PTPRD: variants seen among roughly 807,000 people sequenced by gnomAD.
PTPRD encodes the protein receptor-type tyrosine-protein phosphatase delta.
PTPRD carries 34 observed loss-of-function variants against 214.5 expected under a neutral mutation model. That is an observed-to-expected ratio of 0.16 (90% CI 0.12 to 0.21). The LOEUF (loss-of-function observed/expected upper bound fraction) is 0.21. Among genes scored for constraint, PTPRD ranks in the 10% least tolerant of loss-of-function variants. The pLI is 1.00. For synonymous variants in PTPRD, 1,128 were observed against 845.7 expected (o/e 1.33, Z -5.79); for missense variants, 2,545 against 2,398.7 (o/e 1.06, Z -1.27).
At chr9:10,393,723 AATAT>A (rs899024499) in intron 2 of PTPRD, among the ~76,000 whole-genome samples, 33 of 147,278 alleles carry the variant, frequency 2.2e-4, no homozygotes, top group African/African-American at 7.6e-4. Flanking sequence ...TATATAATCA[AATAT>A]ATAAATACAT....
rs373821046 is a variant in PTPRD at position 8,786,910 on chromosome 9, CTTTA to C, written c.-103-52968_-103-52965del. ...AATATAAAGCATGGTGAGAAAACTA[CTTTA>C]TTTATTTAGAGACAGGGTCTCACTC... On this transcript the variant is annotated intron_variant, in intron 11 of 45. Transcript: ENST00000381196. 5.3e-4 allele frequency among the ~76,000 whole-genome samples: 80 copies of C among 151,988 alleles called. 1 individual carries two copies. Among genetic ancestry groups the C allele is most frequent in the African/African-American group, 1.8e-3 (73 of 41,468 alleles).
At chr9:9,049,199 A>C (rs1436100660) in intron 10 of PTPRD, among the ~76,000 whole-genome samples, 3 of 152,174 alleles carry the variant, frequency 2.0e-5, no homozygotes, top group Non-Finnish European at 4.4e-5. Flanking sequence ...GTTAAGCCTT[A>C]AGGCATTCAG....
At chr9:10,589,215 G>T (rs901499204) in intron 2 of PTPRD, among the ~76,000 whole-genome samples, 1 of 152,040 alleles carries the variant, frequency 6.6e-6, no homozygotes, top group Non-Finnish European at 1.5e-5. Flanking sequence ...GTGTGGGTCA[G>T]ATAAACAGGT....
intron 36 of PTPRD, among the ~76,000 whole-genome samples, chr9:8,392,586 C>A (rs891715697): frequency 2.0e-5 from 3 of 151,988 alleles, no homozygotes; most frequent in Non-Finnish European, 4.4e-5. Context: ...AATGGAATAC[C>A]TGGTAGAGCA....
chr9:10,171,388 C>T (rs1350782561), intron 3 of PTPRD, among the ~76,000 whole-genome samples: 1 of 151,954 alleles, frequency 6.6e-6, no homozygotes, highest in East Asian at 1.9e-4. Flanking sequence ...TTTCGCTTGG[C>T]TCTCATTCTC....
At chr9:10,429,456 A>G (rs1411564385) in intron 2 of PTPRD, among the ~76,000 whole-genome samples, 4 of 152,004 alleles carry the variant, frequency 2.6e-5, no homozygotes, top group Admixed American at 6.6e-5. Context: ...ACGAATGAAT[A>G]AAGTGCGGTG....
chr9:8,503,995 T>C (rs942342569), intron 23 of PTPRD, among the ~76,000 whole-genome samples: 3 of 152,224 alleles, frequency 2.0e-5, no homozygotes, highest in Non-Finnish European at 4.4e-5. Flanking sequence ...CTAACTCCTT[T>C]AACCCACATT....
At chr9:9,898,349 C>G (rs1380981491) in intron 5 of PTPRD, among the ~76,000 whole-genome samples, 1 of 151,998 alleles carries the variant, frequency 6.6e-6, no homozygotes, top group Non-Finnish European at 1.5e-5. Context: ...TTTTAATTAG[C>G]TGTTTACATA....
At chr9:8,400,523 G>C (rs2092206185) in intron 36 of PTPRD, among the ~76,000 whole-genome samples, 1 of 152,140 alleles carries the variant, frequency 6.6e-6, no homozygotes, top group Non-Finnish European at 1.5e-5. Context: ...TAATATTTAT[G>C]TTATCCATAA....
chr9:8,821,495 G>A (rs1022226308), intron 11 of PTPRD, among the ~76,000 whole-genome samples: 1 of 152,194 alleles, frequency 6.6e-6, no homozygotes, highest in Non-Finnish European at 1.5e-5. Flanking sequence ...GCCCAAGAGG[G>A]CATCCACTCT....
At chr9:10,064,410 T>A (rs374954949) in intron 3 of PTPRD, among the ~76,000 whole-genome samples, 4 of 152,108 alleles carry the variant, frequency 2.6e-5, no homozygotes, top group South Asian at 4.2e-4. Flanking sequence ...ATAAATCAAA[T>A]CTATATAGGC....
intron 8 of PTPRD, among the ~76,000 whole-genome samples, chr9:9,435,909 C>T (rs1249102520): frequency 2.0e-5 from 3 of 152,060 alleles, no homozygotes; most frequent in South Asian, 2.1e-4. Flanking sequence ...AGATGTCTGG[C>T]ACAAAAAGTA....
Position 9,351,620 on chromosome 9 carries a change from C to A in PTPRD, c.-203+45829G>T, listed in dbSNP as rs148264229. Among the ~76,000 whole-genome samples the A allele has an allele frequency of 4.8e-3, 733 of 152,048 alleles. 3 individuals carry two copies. The highest frequency in any genetic ancestry group is 0.016 in the African/African-American group (676 of 41,510). On this transcript the variant is annotated intron_variant, in intron 9 of 45. Coordinates refer to ENST00000381196, the MANE Select transcript of PTPRD (RefSeq NM_002839.4). ...TGAGTCAGTACAGCAAACCAAGAAG[C>A]CTTGGAAAGATACACATGTTAGCTG...
chr9:9,346,380 C>A (rs1264473971), intron 9 of PTPRD, among the ~76,000 whole-genome samples: 1 of 151,990 alleles, frequency 6.6e-6, no homozygotes, highest in African/African-American at 2.4e-5. Context: ...GAAAAAGTAA[C>A]CAAAAATTAA....
In PTPRD at chr9:9,352,395, G is replaced by GTA. The variant is rs201691972; in HGVS notation, c.-203+45052_-203+45053dup. ...TGTATATATATATATGTGTGTATAT[G>GTA]TATATATATATCTGTTATGTTTTCC... is the stretch of plus-strand genomic sequence containing the variant. On this transcript the variant is annotated intron_variant, in intron 9 of 45. Coordinates refer to ENST00000381196, the MANE Select transcript of PTPRD (RefSeq NM_002839.4). 5.9e-3 allele frequency among the ~76,000 whole-genome samples: 880 copies of GTA among 149,368 alleles called. 2 individuals are homozygous for GTA. Among genetic ancestry groups the GTA allele is most frequent in the Non-Finnish European group, 0.01 (679 of 67,262 alleles).
intron 5 of PTPRD, among the ~76,000 whole-genome samples, chr9:9,896,065 G>C (rs1038250197): frequency 6.6e-6 from 1 of 151,972 alleles, no homozygotes; most frequent in African/African-American, 2.4e-5. Context: ...TTTGTTTACA[G>C]AGACAGATTA....
At chr9:8,846,016 A>G (rs1007344295) in intron 11 of PTPRD, among the ~76,000 whole-genome samples, 2 of 152,314 alleles carry the variant, frequency 1.3e-5, no homozygotes, top group Admixed American at 1.3e-4. Flanking sequence ...AATAATGGCC[A>G]TGTGTCAGAA....
chr9:9,544,222 G>A (rs2078240430), intron 8 of PTPRD, among the ~76,000 whole-genome samples: 1 of 151,418 alleles, frequency 6.6e-6, no homozygotes, highest in African/African-American at 2.4e-5. Flanking sequence ...CCTAAAAATT[G>A]TACTATAAGA....
chr9:10,028,493 C>T (rs557821699), intron 4 of PTPRD, among the ~76,000 whole-genome samples: 1 of 152,214 alleles, frequency 6.6e-6, no homozygotes, highest in South Asian at 2.1e-4. Flanking sequence ...TCCCTAGAGA[C>T]TTGTTGCATG....
Sources: gnomAD v4.1 joint callset for allele counts (sites outside exome capture counted in the v4.1 genomes callset) on GRCh38, gnomAD v4.1.1 for gene constraint, MANE v1.5 for transcripts, NCBI Gene and HGNC (gene_info 2026-07-23, HGNC 2026-07-21) for gene names.